Variants in GALNT17 observed in about 807,000 individuals in gnomAD.
GALNT17 encodes polypeptide N-acetylgalactosaminyltransferase 17, also known as UDP-GalNAc:polypeptide N-acetylgalactosaminyltransferase-like 3.
A neutral mutation model predicts 63.7 loss-of-function variants in GALNT17; 29 were observed. The ratio of observed to expected loss-of-function variants is 0.46; its 90% CI spans 0.34 to 0.62. The LOEUF (loss-of-function observed/expected upper bound fraction) is 0.62. Ranked by LOEUF, GALNT17 falls within the 20% of genes least tolerant of loss-of-function variation. The pLI, the probability that GALNT17 is intolerant of heterozygous loss-of-function variation, is 0.01. For missense variants in GALNT17, 603 were observed against 799.6 expected (o/e 0.75, Z 2.97); for synonymous variants, 305 against 318.3 (o/e 0.96, Z 0.45).
intron 5 of GALNT17, among the ~76,000 whole-genome samples, chr7:71,455,712 A>G (rs985687955): frequency 6.6e-6 from 1 of 152,088 alleles, no homozygotes; most frequent in Admixed American, 6.5e-5. Flanking sequence ...GGGCATAGGG[A>G]CTTCATCTGA....
At chr7:71,415,524 A>T (rs1793508197) in intron 3 of GALNT17, among the ~76,000 whole-genome samples, 2 of 152,150 alleles carry the variant, frequency 1.3e-5, no homozygotes, top group Non-Finnish European at 2.9e-5. Context: ...GTGCAGATGG[A>T]AAAGCCCATA....
At chr7:71,674,389 A>G (rs142132613) in intron 8 of GALNT17, among the ~76,000 whole-genome samples, 1 of 150,232 alleles carries the variant, frequency 6.7e-6, no homozygotes, top group East Asian at 2.0e-4. Flanking sequence ...TCTGTTGCCC[A>G]GGCTACAGTA....
At chr7:71,590,007 A>G (rs1488620343) in intron 6 of GALNT17, among the ~76,000 whole-genome samples, 2 of 152,070 alleles carry the variant, frequency 1.3e-5, no homozygotes, top group Non-Finnish European at 2.9e-5. Context: ...CATAATCTTT[A>G]TGTAGACACA....
At chr7:71,238,321 C>T (rs1199162572) in intron 1 of GALNT17, among the ~76,000 whole-genome samples, 1 of 152,088 alleles carries the variant, frequency 6.6e-6, no homozygotes, top group Admixed American at 6.5e-5. Flanking sequence ...GAGGTCTCTC[C>T]CAGAAGCCTT....
intron 9 of GALNT17, among the ~76,000 whole-genome samples, chr7:71,689,797 G>T (rs114724267): frequency 6.6e-6 from 1 of 152,108 alleles, no homozygotes; most frequent in Non-Finnish European, 1.5e-5. Context: ...ACATAGAGAG[G>T]AGAAGTCCAT....
chr7:71,132,624 C>T lies in GALNT17; in HGVS notation c.-179C>T. Reference sequence around the variant, plus strand: ...CATGTGAGCGATTCCGTTCTCCCCACCACCAATCCGACCTCCCAGCCGTCT... The same window carrying T: ...CATGTGAGCGATTCCGTTCTCCCCATCACCAATCCGACCTCCCAGCCGTCT... On this transcript the variant is annotated 5_prime_UTR_variant, in exon 1 of 11. Transcript: ENST00000333538. 1 of 585,866 alleles carries T rather than the reference C, an allele frequency of 1.7e-6. No homozygotes were observed. Among genetic ancestry groups the T allele is most frequent in the Non-Finnish European group, 3.0e-6 (1 of 334,620 alleles). 36.3% of individuals were successfully genotyped at this position (585,866 alleles called of 1,614,324 possible).
At chr7:71,195,836 C>G (rs1004359846) in intron 1 of GALNT17, among the ~76,000 whole-genome samples, 2 of 151,734 alleles carry the variant, frequency 1.3e-5, no homozygotes, top group Non-Finnish European at 2.9e-5. Flanking sequence ...GGCACCCAGC[C>G]GAGCCTATCA....
chr7:71,615,598 T>TC (rs1790190573), intron 6 of GALNT17, among the ~76,000 whole-genome samples: 1 of 145,590 alleles, frequency 6.9e-6, no homozygotes, highest in Non-Finnish European at 1.5e-5. Flanking sequence ...TGCCTCACCC[T>TC]CCCAAGTAGT....
At chr7:71,354,868 T>C (rs185986915) in intron 2 of GALNT17, among the ~76,000 whole-genome samples, 8 of 152,356 alleles carry the variant, frequency 5.3e-5, no homozygotes, top group Non-Finnish European at 8.8e-5. Flanking sequence ...TGCAATTTTT[T>C]TCCTGAGGAA....
intron 1 of GALNT17, among the ~76,000 whole-genome samples, chr7:71,231,759 A>AGAGAGAGAGG (rs1562934142): frequency 6.7e-6 from 1 of 150,334 alleles, no homozygotes; most frequent in African/African-American, 2.5e-5. Flanking sequence ...GGAGAGAGAG[A>AGAGAGAGAGG]GAGAGGGAGA....
At chr7:71,519,475 G>GT (rs1356416891) in intron 5 of GALNT17, among the ~76,000 whole-genome samples, 2 of 151,568 alleles carry the variant, frequency 1.3e-5, no homozygotes, top group African/African-American at 4.9e-5. Flanking sequence ...AATTTTTTTG[G>GT]TTTTTTGAGA....
intron 5 of GALNT17, among the ~76,000 whole-genome samples, chr7:71,497,306 A>T (rs10248391): frequency 6.6e-6 from 1 of 151,958 alleles, no homozygotes; most frequent in African/African-American, 2.4e-5. Flanking sequence ...AACAAGAAAC[A>T]TTTATTTTTT....
intron 5 of GALNT17, among the ~76,000 whole-genome samples, chr7:71,442,582 CT>C (rs1463367200): frequency 6.6e-6 from 1 of 152,108 alleles, no homozygotes. Context: ...ACAGTCTTTC[CT>C]TTTTTGGCTG....
intron 5 of GALNT17, among the ~76,000 whole-genome samples, chr7:71,522,583 C>T (rs117077921): frequency 0.059 from 9,052 of 152,148 alleles, 754 homozygotes; most frequent in East Asian, 0.39. Context: ...GGGAAAGACC[C>T]TCCCCCATAA....
chr7:71,399,670 A>G (rs888844306), intron 3 of GALNT17, among the ~76,000 whole-genome samples: 10 of 152,144 alleles, frequency 6.6e-5, no homozygotes, highest in African/African-American at 1.4e-4. Context: ...TGAAAGTTTT[A>G]TATTCATCTT....
chr7:71,366,385 A>G (rs1451415635), intron 2 of GALNT17, among the ~76,000 whole-genome samples: 1 of 152,150 alleles, frequency 6.6e-6, no homozygotes, highest in Non-Finnish European at 1.5e-5. Flanking sequence ...GATCGAGACC[A>G]TCCTGGCCAA....
intron 2 of GALNT17, among the ~76,000 whole-genome samples, chr7:71,346,764 T>G (rs10272009): frequency 6.6e-5 from 7 of 105,540 alleles, no homozygotes; most frequent in Admixed American, 1.1e-4. Context: ...CGGGGGTGGG[T>G]GGGTGGGTGG....
chr7:71,148,892 A>G (rs1219476054), intron 1 of GALNT17, among the ~76,000 whole-genome samples: 1 of 141,768 alleles, frequency 7.1e-6, no homozygotes, highest in South Asian at 2.2e-4. Flanking sequence ...ATATATATAT[A>G]TGTATACCAT....
At chr7:71,162,177 A>G (rs903998965) in intron 1 of GALNT17, among the ~76,000 whole-genome samples, 2 of 90,598 alleles carry the variant, frequency 2.2e-5, no homozygotes, top group South Asian at 3.2e-4. Flanking sequence ...TCCTGTTGCT[A>G]TGCCTCTTTT....
Sources: allele counts gnomAD v4.1 joint callset (sites outside exome capture counted in the v4.1 genomes callset), GRCh38; gene constraint gnomAD v4.1.1; transcripts MANE v1.5; gene names NCBI Gene and HGNC (gene_info 2026-07-23, HGNC 2026-07-21).